Variants in USP49 observed in about 807,000 individuals in gnomAD.
The protein encoded by USP49 is ubiquitin carboxyl-terminal hydrolase 49.
In USP49, 24 loss-of-function variants were observed where a neutral mutation model predicts 58.6. That is an observed-to-expected ratio of 0.41 (90% CI 0.30 to 0.58). USP49 has a LOEUF of 0.58. Ranked by LOEUF, USP49 falls within the 20% of genes least tolerant of loss-of-function variation. The pLI is 0.30. For missense variants in USP49, 703 were observed against 866.1 expected (o/e 0.81, Z 2.36); for synonymous variants, 408 against 365.1 (o/e 1.12, Z -1.34).
Position 41,827,675 on chromosome 6 carries a change from C to CAAAA in USP49, c.-28-20668_-28-20665dup, listed in dbSNP as rs373056101. ...GGGCAATACAGCAAGACTCTGTCTC[C>CAAAA]AAAAAAAAAAAAAAAAAAAAAATTT... On this transcript the variant is annotated intron_variant, in intron 3 of 7. Coordinates refer to ENST00000682992, the MANE Select transcript of USP49 (RefSeq NM_001286554.2). Among the ~76,000 whole-genome samples the CAAAA allele has an allele frequency of 1.8e-3, 168 of 92,276 alleles. 1 individual carries two copies. Among genetic ancestry groups the CAAAA allele is most frequent in the African/African-American group, 5.9e-3 (139 of 23,570 alleles). The allele number at this position is 92,276 out of a possible 152,430, so 60.5% of individuals were successfully genotyped here.
rs549228168 is a variant in USP49 at position 41,842,451 on chromosome 6, G to C, written c.-29+29113C>G. On this transcript the variant is annotated intron_variant, in intron 3 of 7. Transcript: ENST00000682992. Reference sequence around the variant, plus strand: ...CCAGTATTATTTGTGCCAAACCTGTGGTCTGTATATGATTTCACGTGGAAT... The same window carrying C: ...CCAGTATTATTTGTGCCAAACCTGTCGTCTGTATATGATTTCACGTGGAAT... 5.9e-5 allele frequency among the ~76,000 whole-genome samples: 9 copies of C among 152,050 alleles called. No individual in the cohort carries two copies. The South Asian group carries it at 1.9e-3, about 32-fold the overall frequency.
intron 3 of USP49, among the ~76,000 whole-genome samples, chr6:41,863,318 C>A (rs1211149821): frequency 1.3e-5 from 2 of 152,152 alleles, no homozygotes; most frequent in East Asian, 3.8e-4. Flanking sequence ...AGTATGAATT[C>A]AAATGCTCCC....
intron 3 of USP49, among the ~76,000 whole-genome samples, chr6:41,816,429 T>C (rs569167897): frequency 3.9e-4 from 59 of 152,326 alleles, no homozygotes; most frequent in African/African-American, 1.3e-3. Context: ...TTTAGACAAC[T>C]GTTCTTGTCT....
At chr6:41,874,675 A>G (rs938911099) in intron 2 of USP49, among the ~76,000 whole-genome samples, 2 of 152,226 alleles carry the variant, frequency 1.3e-5, no homozygotes, top group East Asian at 3.8e-4. Context: ...CTTCGGAAAT[A>G]TACCAGGCTG....
chr6:41,819,289 A>G (rs1773413071), intron 3 of USP49, among the ~76,000 whole-genome samples: 1 of 152,080 alleles, frequency 6.6e-6, no homozygotes, highest in Non-Finnish European at 1.5e-5. Flanking sequence ...GTGATAAAAC[A>G]AGGTCCGAAC....
chr6:41,874,764 A>G (rs901023109), intron 2 of USP49, among the ~76,000 whole-genome samples: 3 of 152,128 alleles, frequency 2.0e-5, no homozygotes, highest in Admixed American at 2.0e-4. Context: ...GGAGTTTGAG[A>G]CCAGCCTAGG....
intron 3 of USP49, among the ~76,000 whole-genome samples, chr6:41,850,240 C>T (rs1250013112): frequency 6.6e-6 from 1 of 151,874 alleles, no homozygotes; most frequent in African/African-American, 2.4e-5. Context: ...GTCAGGAGTT[C>T]AAGACCAGCC....
intron 2 of USP49, among the ~76,000 whole-genome samples, chr6:41,881,822 A>G (rs1774613995): frequency 6.6e-6 from 1 of 152,178 alleles, no homozygotes; most frequent in African/African-American, 2.4e-5. Flanking sequence ...AAAACATAAT[A>G]CATACCCAAT....
chr6:41,889,096 G>C (rs1164870146), intron 2 of USP49, among the ~76,000 whole-genome samples: 1 of 151,522 alleles, frequency 6.6e-6, no homozygotes, highest in Non-Finnish European at 1.5e-5. Flanking sequence ...GCAGTGGCTT[G>C]ATCTCGGCTC....
chr6:41,881,655 T>C (rs1389312679), intron 2 of USP49, among the ~76,000 whole-genome samples: 1 of 152,120 alleles, frequency 6.6e-6, no homozygotes, highest in African/African-American at 2.4e-5. Flanking sequence ...TGCTCATAGA[T>C]ATTCAAAAGT....
intron 3 of USP49, among the ~76,000 whole-genome samples, chr6:41,810,124 C>T (rs981761992): frequency 6.6e-6 from 1 of 151,046 alleles, no homozygotes; most frequent in East Asian, 1.9e-4. Flanking sequence ...TGCACTTCAG[C>T]CTGGGCGACA....
At chr6:41,884,942 T>C (rs1019845932) in intron 2 of USP49, among the ~76,000 whole-genome samples, 2 of 152,102 alleles carry the variant, frequency 1.3e-5, no homozygotes, top group Non-Finnish European at 2.9e-5. Flanking sequence ...AAATGAAAAA[T>C]CAAAATACAA....
At chr6:41,887,836 T>C (rs1774740692) in intron 2 of USP49, among the ~76,000 whole-genome samples, 1 of 152,162 alleles carries the variant, frequency 6.6e-6, no homozygotes, top group African/African-American at 2.4e-5. Flanking sequence ...GTTTACAATT[T>C]GACATATAAT....
At chr6:41,883,509 G>A (rs755007503) in intron 2 of USP49, among the ~76,000 whole-genome samples, 1 of 151,856 alleles carries the variant, frequency 6.6e-6, no homozygotes, top group Non-Finnish European at 1.5e-5. Flanking sequence ...TTAGCCAGGT[G>A]TGGTGGTACA....
chr6:41,851,903 G>A (rs953088417), intron 3 of USP49, among the ~76,000 whole-genome samples: 1 of 133,462 alleles, frequency 7.5e-6, no homozygotes, highest in Admixed American at 8.5e-5. Flanking sequence ...GCAGTGAGCT[G>A]AGATCGCGCC....
chr6:41,888,133 C>T, intron 2 of USP49, among the ~76,000 whole-genome samples: 1 of 142,848 alleles, frequency 7.0e-6, no homozygotes, highest in South Asian at 2.3e-4. Flanking sequence ...CAGCTCACTG[C>T]AACCTCCGCC....
intron 3 of USP49, among the ~76,000 whole-genome samples, chr6:41,824,444 C>CATAA (rs1430017061): frequency 6.6e-6 from 1 of 151,070 alleles, no homozygotes; most frequent in East Asian, 1.9e-4. Flanking sequence ...GGCACAGTGG[C>CATAA]TTATGCCTGT....
intron 3 of USP49, among the ~76,000 whole-genome samples, chr6:41,843,328 C>T (rs772471284): frequency 4.6e-5 from 7 of 152,098 alleles, no homozygotes; most frequent in East Asian, 1.9e-4. Flanking sequence ...TATACTTTTA[C>T]GGAGTTATAA....
At chr6:41,837,436 A>C (rs939915117) in intron 3 of USP49, among the ~76,000 whole-genome samples, 3 of 152,238 alleles carry the variant, frequency 2.0e-5, no homozygotes, top group Admixed American at 6.5e-5. Context: ...TCTTCCTTAC[A>C]CCATCTACAA....
Sources: allele counts gnomAD v4.1 joint callset (sites outside exome capture counted in the v4.1 genomes callset), GRCh38; gene constraint gnomAD v4.1.1; transcripts MANE v1.5; gene names NCBI Gene and HGNC (gene_info 2026-07-23, HGNC 2026-07-21).